The following SNAP25 variants were observed in gnomAD, a reference collection of about 807,000 sequenced individuals.
SNAP25 encodes the protein synaptosomal-associated protein 25.
In SNAP25, 3 loss-of-function variants were observed where a neutral mutation model predicts 28.7. That is an observed-to-expected ratio of 0.10 (90% CI 0.05 to 0.27). The LOEUF (loss-of-function observed/expected upper bound fraction) is 0.27, where lower values mean the gene tolerates loss of function less well. SNAP25 is among the 10% of genes least tolerant of loss of function. SNAP25 has a pLI of 1.00. For missense variants in SNAP25, 117 were observed against 278.7 expected (o/e 0.42, Z 4.13); for synonymous variants, 61 against 88.1 (o/e 0.69, Z 1.72).
intron 1 of SNAP25, chr20:10,219,258 C>A (rs1600615513): frequency 6.6e-6 from 1 of 152,182 alleles, no homozygotes; most frequent in African/African-American, 2.4e-5. Context: ...AGTAGTGGGA[C>A]CCCCTCTTTC....
intron 1 of SNAP25, among the ~76,000 whole-genome samples, chr20:10,268,574 C>T (rs1184115178): frequency 6.6e-6 from 1 of 152,128 alleles, no homozygotes; most frequent in Non-Finnish European, 1.5e-5. Flanking sequence ...AAAAAGCACA[C>T]CCTGCTCTAT....
intron 4 of SNAP25, among the ~76,000 whole-genome samples, chr20:10,289,686 G>A (rs140994693): frequency 6.7e-6 from 1 of 148,332 alleles, no homozygotes; most frequent in African/African-American, 2.5e-5. Context: ...GCAGCATCTT[G>A]TAACTGGATA....
intron 1 of SNAP25, among the ~76,000 whole-genome samples, chr20:10,263,040 A>G (rs1190891109): frequency 7.3e-5 from 3 of 40,820 alleles, no homozygotes; most frequent in South Asian, 1.3e-3. Flanking sequence ...TTTTTTTGAG[A>G]CGGAGTCTCG....
chr20:10,233,452 T>C (rs1568574804), intron 1 of SNAP25, among the ~76,000 whole-genome samples: 1 of 152,180 alleles, frequency 6.6e-6, no homozygotes. Flanking sequence ...TTGGACACAG[T>C]GAAGGAAGGG....
intron 1 of SNAP25, among the ~76,000 whole-genome samples, chr20:10,260,463 A>G (rs1413040337): frequency 1.3e-5 from 2 of 151,824 alleles, no homozygotes; most frequent in Non-Finnish European, 3.0e-5. Context: ...CAAACAAAAA[A>G]AGTGGTTCTT....
At chr20:10,249,102 G>A (rs531361223) in intron 1 of SNAP25, among the ~76,000 whole-genome samples, 7 of 152,310 alleles carry the variant, frequency 4.6e-5, no homozygotes, top group Non-Finnish European at 5.9e-5. Context: ...AACAGCCAAC[G>A]TTTACTTCAT....
chr20:10,248,939 T>C (rs1315729391), intron 1 of SNAP25, among the ~76,000 whole-genome samples: 1 of 152,208 alleles, frequency 6.6e-6, no homozygotes, highest in Non-Finnish European at 1.5e-5. Context: ...TGCGAATAAC[T>C]CTGGTCACAG....
chr20:10,276,103 G>C (rs1432470775), intron 2 of SNAP25, among the ~76,000 whole-genome samples: 1 of 152,150 alleles, frequency 6.6e-6, no homozygotes, highest in African/African-American at 2.4e-5. Context: ...GTATAATAAT[G>C]TGTTACCATG....
intron 1 of SNAP25, among the ~76,000 whole-genome samples, chr20:10,264,936 T>C (rs892640031): frequency 4.6e-5 from 7 of 151,212 alleles, no homozygotes; most frequent in African/African-American, 1.7e-4. Context: ...TTTTTTTTTT[T>C]TCTGAGATGG....
At chr20:10,271,951 C>T (rs1002647615) in intron 1 of SNAP25, among the ~76,000 whole-genome samples, 2 of 152,090 alleles carry the variant, frequency 1.3e-5, no homozygotes, top group African/African-American at 4.8e-5. Flanking sequence ...AAAGATGGAG[C>T]GTGGGGCCAG....
At chr20:10,291,070 T>C (rs1441537515) in intron 4 of SNAP25, among the ~76,000 whole-genome samples, 1 of 152,192 alleles carries the variant, frequency 6.6e-6, no homozygotes, top group Non-Finnish European at 1.5e-5. Context: ...AAAATTTTTT[T>C]TAATTGTAAT....
intron 3 of SNAP25, among the ~76,000 whole-genome samples, chr20:10,280,995 T>C (rs1420511104): frequency 6.6e-6 from 1 of 152,198 alleles, no homozygotes; most frequent in Non-Finnish European, 1.5e-5. Flanking sequence ...TCAGATGTTT[T>C]AGACTTTGGG....
intron 1 of SNAP25, among the ~76,000 whole-genome samples, chr20:10,246,067 T>C (rs755653813): frequency 3.6e-4 from 55 of 152,238 alleles, no homozygotes; most frequent in Non-Finnish European, 7.3e-4. Flanking sequence ...ATTTTATGCC[T>C]GAATATGTTG....
At chr20:10,242,300 G>C (rs6039788) in intron 1 of SNAP25, among the ~76,000 whole-genome samples, 12 of 152,312 alleles carry the variant, frequency 7.9e-5, no homozygotes, top group African/African-American at 2.6e-4. Context: ...CCTGGAGTGT[G>C]GATTGCATCA....
At chr20:10,278,678 C>G (rs1439771421) in intron 3 of SNAP25, among the ~76,000 whole-genome samples, 1 of 152,008 alleles carries the variant, frequency 6.6e-6, no homozygotes, top group Admixed American at 6.5e-5. Flanking sequence ...TTAAATGAGC[C>G]TACTCCCCTC....
intron 3 of SNAP25, among the ~76,000 whole-genome samples, chr20:10,284,428 TA>T (rs2063836824): frequency 1.3e-5 from 2 of 152,196 alleles, no homozygotes; most frequent in South Asian, 4.1e-4. Flanking sequence ...AATTACAGTA[TA>T]ATATGAAGTA....
At chr20:10,287,459 A>T (rs1369905903) in intron 4 of SNAP25, among the ~76,000 whole-genome samples, 1 of 150,982 alleles carries the variant, frequency 6.6e-6, no homozygotes, top group Non-Finnish European at 1.5e-5. Context: ...CCACAATGAG[A>T]TACCATCTCA....
chr20:10,298,424 A>G (rs1293102460), intron 6 of SNAP25, among the ~76,000 whole-genome samples: 2 of 152,208 alleles, frequency 1.3e-5, no homozygotes, highest in Admixed American at 1.3e-4. Flanking sequence ...AACCCTTCTG[A>G]ATATTTTTTA....
chr20:10,232,106 C>T (rs1384173930), intron 1 of SNAP25, among the ~76,000 whole-genome samples: 1 of 152,216 alleles, frequency 6.6e-6, no homozygotes, highest in Non-Finnish European at 1.5e-5. Context: ...CTCTCTTTCT[C>T]AGCCTCCTGT....
Sources: allele counts gnomAD v4.1 joint callset (sites outside exome capture counted in the v4.1 genomes callset), GRCh38; gene constraint gnomAD v4.1.1; transcripts MANE v1.5; gene names NCBI Gene and HGNC (gene_info 2026-07-23, HGNC 2026-07-21).